Variants in ADGRL2 observed in about 807,000 individuals in gnomAD.
The protein encoded by ADGRL2 is adhesion G protein-coupled receptor L2.
Under a neutral mutation model 157.4 loss-of-function variants are expected in ADGRL2, and 44 were observed. That is an observed-to-expected ratio of 0.28 (90% CI 0.22 to 0.36). The LOEUF is 0.36. ADGRL2 is among the 10% of genes least tolerant of loss of function. The pLI is 1.00. For missense variants in ADGRL2, 1,510 were observed against 1,768.9 expected (o/e 0.85, Z 2.63); for synonymous variants, 585 against 624.7 (o/e 0.94, Z 0.95).
At chr1:81,746,304 T>C (rs1259113775) in intron 1 of ADGRL2, among the ~76,000 whole-genome samples, 1 of 152,164 alleles carries the variant, frequency 6.6e-6, no homozygotes, top group Non-Finnish European at 1.5e-5. Context: ...TTAAAAATTT[T>C]TTGAGACAGG....
rs550785929 is a variant in ADGRL2 at position 81,871,387 on chromosome 1, A to G, written c.73+34330A>G. 4.0e-5 allele frequency among the ~76,000 whole-genome samples: 6 copies of G among 150,206 alleles called. No individual in the cohort carries two copies. In the East Asian group the frequency reaches 5.8e-4, roughly 15 times the overall value. On this transcript the variant is annotated intron_variant, in intron 2 of 23. Coordinates refer to ENST00000686636, the MANE Select transcript of ADGRL2 (RefSeq NM_001366006.2). Reference sequence around the variant, plus strand: ...CTTTGCTGTAGTGAATAGTGCTGCAATAAACATATGTATGCATGTGTCTTT... The same window carrying G: ...CTTTGCTGTAGTGAATAGTGCTGCAGTAAACATATGTATGCATGTGTCTTT...
chr1:81,407,340 G>A (rs867871735), intron 1 of ADGRL2, among the ~76,000 whole-genome samples: 6 of 152,120 alleles, frequency 3.9e-5, no homozygotes, highest in African/African-American at 9.7e-5. Flanking sequence ...ACCCCCTCCC[G>A]CAAACACCAA....
At chr1:81,798,331 A>C (rs1200299483), upstream of ADGRL2, among the ~76,000 whole-genome samples, 1 of 152,164 alleles carries the variant, frequency 6.6e-6, no homozygotes, top group African/African-American at 2.4e-5. Context: ...ATAATTAAAC[A>C]CTATTTCAAT....
chr1:81,555,973 T>A (rs1225672534), intron 2 of ADGRL2, among the ~76,000 whole-genome samples: 4 of 151,822 alleles, frequency 2.6e-5, no homozygotes, highest in Admixed American at 6.6e-5. Flanking sequence ...AAATTTAGCG[T>A]ATCACTGCTC....
intron 3 of ADGRL2, among the ~76,000 whole-genome samples, chr1:81,604,247 G>C (rs1482808030): frequency 6.6e-6 from 1 of 152,190 alleles, no homozygotes; most frequent in Non-Finnish European, 1.5e-5. Flanking sequence ...TTACAGGCGT[G>C]AGCCGCTGTG....
intron 1 of ADGRL2, among the ~76,000 whole-genome samples, chr1:81,420,578 C>G (rs919230872): frequency 6.6e-6 from 1 of 152,156 alleles, no homozygotes; most frequent in African/African-American, 2.4e-5. Flanking sequence ...GAGTAAAGAG[C>G]ATTGTTTTGT....
At chr1:81,444,825 A>G (rs1310934633) in intron 1 of ADGRL2, among the ~76,000 whole-genome samples, 1 of 152,148 alleles carries the variant, frequency 6.6e-6, no homozygotes, top group Non-Finnish European at 1.5e-5. Flanking sequence ...GTCTGAGCTG[A>G]TACTTAAAAC....
intron 3 of ADGRL2, among the ~76,000 whole-genome samples, chr1:81,643,343 C>T (rs142015685): frequency 0.019 from 2,830 of 152,216 alleles, 81 homozygotes; most frequent in African/African-American, 0.065. Context: ...GACAGGGTCT[C>T]GCTCTGTTGC....
At chr1:81,977,059 A>C (rs1372089082) in intron 17 of ADGRL2, among the ~76,000 whole-genome samples, 1 of 151,818 alleles carries the variant, frequency 6.6e-6, no homozygotes, top group Non-Finnish European at 1.5e-5. Context: ...TTTATATGGG[A>C]AGTCTGTGGG....
chr1:81,723,960 A>C (rs1393698872), intron 1 of ADGRL2, among the ~76,000 whole-genome samples: 1 of 152,050 alleles, frequency 6.6e-6, no homozygotes, highest in Admixed American at 6.6e-5. Flanking sequence ...TCTATGCTTA[A>C]AATTCTCTTT....
intron 1 of ADGRL2, among the ~76,000 whole-genome samples, chr1:81,745,986 T>A (rs1000014082): frequency 6.6e-6 from 1 of 152,092 alleles, no homozygotes; most frequent in Non-Finnish European, 1.5e-5. Context: ...TCAAGAGAAA[T>A]TTTTTAATGG....
chr1:81,980,109 A>G (rs1443826981), intron 18 of ADGRL2, 149 bp downstream of exon 18: 7 of 565,352 alleles, frequency 1.2e-5, no homozygotes, highest in African/African-American at 3.8e-5. Flanking sequence ...CAGTGTTACT[A>G]TATCACTGAT....
intron 2 of ADGRL2, among the ~76,000 whole-genome samples, chr1:81,845,683 AT>A (rs61432254): frequency 0.24 from 34,662 of 144,474 alleles, 5,223 homozygotes; most frequent in East Asian, 0.68. Flanking sequence ...TACTTTTCTT[AT>A]TTTTTTTTTT....
intron 2 of ADGRL2, among the ~76,000 whole-genome samples, chr1:81,860,883 T>C (rs542067383): frequency 6.6e-6 from 1 of 152,336 alleles, no homozygotes; most frequent in East Asian, 1.9e-4. Flanking sequence ...TTTTATCTTA[T>C]GAAACTACTT....
At chr1:81,545,993 T>A (rs1023530271) in intron 2 of ADGRL2, among the ~76,000 whole-genome samples, 9 of 152,136 alleles carry the variant, frequency 5.9e-5, no homozygotes, top group Non-Finnish European at 1.3e-4. Context: ...CAGCTGTTTA[T>A]CCTGCCACTG....
At chr1:81,330,586 C>T (rs1408074150) in intron 1 of ADGRL2, among the ~76,000 whole-genome samples, 5 of 152,114 alleles carry the variant, frequency 3.3e-5, no homozygotes, top group African/African-American at 1.2e-4. Context: ...TTCTTTTAAA[C>T]TGGAATATCT....
chr1:81,743,322 T>C (rs2149231163), intron 1 of ADGRL2, among the ~76,000 whole-genome samples: 1 of 151,262 alleles, frequency 6.6e-6, no homozygotes, highest in Non-Finnish European at 1.5e-5. Flanking sequence ...TGGCTGCAGC[T>C]GACAAATTGG....
In ADGRL2 at chr1:81,334,331, TAAAC is replaced by T. The variant is rs544119447; in HGVS notation, c.-302+27827_-302+27830del. On this transcript the variant is annotated intron_variant, in intron 1 of 24. Coordinates refer to the ADGRL2 transcript ENST00000370721. ...AATGTGTATATTACATTTTTTCAGA[TAAAC>T]AAACTCTCAAAAGGGTTAGATATTA... is the stretch of plus-strand genomic sequence containing the variant. Among the ~76,000 whole-genome samples the T allele has an allele frequency of 8.1e-4, 124 of 152,290 alleles. No individual in the cohort carries two copies. In the Middle Eastern group the frequency reaches 0.014, roughly 17 times the overall value.
At chr1:81,990,311 A>G (rs1469214310) in intron 23 of ADGRL2, 80 bp from the exon 24 acceptor site, 72 of 1,530,184 alleles carry the variant, frequency 4.7e-5, no homozygotes, top group Non-Finnish European at 6.1e-5. Context: ...AACGACATTA[A>G]AAAGTTTTGT....
Sources: gnomAD v4.1 joint callset for allele counts (sites outside exome capture counted in the v4.1 genomes callset) on GRCh38, gnomAD v4.1.1 for gene constraint, MANE v1.5 for transcripts, NCBI Gene and HGNC (gene_info 2026-07-23, HGNC 2026-07-21) for gene names.